The following NRXN2 variants were observed in gnomAD, a reference collection of about 807,000 sequenced individuals.
NRXN2 encodes the protein neurexin-2-beta.
NRXN2 carries 29 observed loss-of-function variants against 128.8 expected under a neutral mutation model. The ratio of observed to expected loss-of-function variants is 0.23; its 90% CI spans 0.17 to 0.31. The LOEUF (loss-of-function observed/expected upper bound fraction) is 0.31, where lower values mean the gene tolerates loss of function less well. Among genes scored for constraint, NRXN2 ranks in the 10% least tolerant of loss-of-function variants. The probability of loss-of-function intolerance (pLI) is 1.00; values close to 1 mark genes in which losing one functional copy is unlikely to be tolerated. For synonymous variants in NRXN2, 1,098 were observed against 1,075.2 expected (o/e 1.02, Z -0.41); for missense variants, 1,881 against 2,452.6 (o/e 0.77, Z 4.92).
intron 17 of NRXN2, chr11:64,642,693 C>A (rs1178311630): frequency 1.3e-6 from 2 of 1,535,410 alleles, no homozygotes; most frequent in East Asian, 2.6e-5. Context: ...GCAACAGCGG[C>A]AACAGCGGCA....
intron 22 of NRXN2, among the ~76,000 whole-genome samples, chr11:64,614,938 G>T (rs1296471938): frequency 1.3e-5 from 2 of 152,242 alleles, no homozygotes; most frequent in Non-Finnish European, 2.9e-5. Context: ...CTTGGGGAGG[G>T]GTGGGTGTGT....
At chr11:64,717,806 A>C (rs1160787841) in intron 1 of NRXN2, among the ~76,000 whole-genome samples, 2 of 152,176 alleles carry the variant, frequency 1.3e-5, no homozygotes, top group African/African-American at 2.4e-5. Context: ...AGAACGATGA[A>C]TTCACTTGCC....
chr11:64,626,202 A>G (rs1402967585), intron 20 of NRXN2, among the ~76,000 whole-genome samples: 1 of 152,054 alleles, frequency 6.6e-6, no homozygotes, highest in African/African-American at 2.4e-5. Flanking sequence ...GGATTACCCT[A>G]GTTGATCCCA....
chr11:64,689,280 G>A (rs2053512810), intron 5 of NRXN2, among the ~76,000 whole-genome samples: 1 of 151,566 alleles, frequency 6.6e-6, no homozygotes, highest in South Asian at 2.1e-4. Flanking sequence ...CATGTTGCCA[G>A]GCTGGTTTTG....
At chr11:64,712,529 A>C (rs2057029885) in intron 2 of NRXN2, among the ~76,000 whole-genome samples, 1 of 140,972 alleles carries the variant, frequency 7.1e-6, no homozygotes, top group Non-Finnish European at 1.5e-5. Flanking sequence ...GCCCCGCCCT[A>C]TGCACAAGCC....
chr11:64,607,856 C>G lies in NRXN2; in HGVS notation c.4479G>C (p.Ser1493=). 6.3e-7 allele frequency: 1 copy of G among 1,595,614 alleles called. No individual in the cohort carries two copies. Among genetic ancestry groups the G allele is most frequent in the Non-Finnish European group, 8.5e-7 (1 of 1,171,780 alleles). The change falls in exon 23 of 23, where the codon TCG becomes TCC. Residue 1493 remains serine, a synonymous_variant. Transcript: ENST00000265459. The stretch of plus-strand genomic sequence containing the variant: ...CAAAGACCTCCCCGGAGGCGAAGCC[C>G]GAGGCCTCGATGGGCTCCTCGCAGT... The part of the protein sequence containing the change: ...DSDCEEPIEA[S]GFASGEVFDS...
chr11:64,673,992 C>G (rs1188081334), intron 7 of NRXN2, among the ~76,000 whole-genome samples: 1 of 148,562 alleles, frequency 6.7e-6, no homozygotes, highest in Non-Finnish European at 1.5e-5. Flanking sequence ...GAGCCGAGAT[C>G]GCGCCACTTC....
rs1210265753 is a variant in NRXN2, at chr11:64,685,706, G to A, written c.1092C>T (p.Val364=). The change falls in exon 6 of 23, where the codon GTC becomes GTT. Residue 364 remains valine (V), a synonymous_variant. Transcript: ENST00000265459. Reference sequence around the variant, plus strand: ...AGGCGTTGTCGTTGAACTTGCCATTGACGGGTTCCACAAGGGCCTCGAAGG... The same window carrying A: ...AGGCGTTGTCGTTGAACTTGCCATTAACGGGTTCCACAAGGGCCTCGAAGG... ...SGAFEALVEP[V]NGKFNDNAWH... is the part of the protein sequence containing the mutation. 1.2e-6 allele frequency: 2 copies of A among 1,614,116 alleles called. No homozygotes were observed. Among genetic ancestry groups the A allele is most frequent in the South Asian group, 1.1e-5 (1 of 91,086 alleles).
At position 64,631,434 on chromosome 11, in the gene NRXN2, C is replaced by T. The variant is rs1445316401; in HGVS notation, c.3586-861G>A. Among the ~76,000 whole-genome samples, 2 of 152,034 alleles carry T rather than the reference C, an allele frequency of 1.3e-5. No individual in the cohort carries two copies. The highest frequency in any genetic ancestry group is 2.9e-5 in the Non-Finnish European group (2 of 67,996). ...CTCTGCAGAGGCAACCCAGGATCAG[C>T]CCAGGAAGAGTTCTGCTTGTGGTGC... On this transcript the variant is annotated intron_variant, in intron 18 of 22. Coordinates refer to ENST00000265459, the MANE Select transcript of NRXN2 (RefSeq NM_015080.4). This position sits in a 1 kb window ranked among gnomAD's most constrained non-coding sequence, Gnocchi z 4.8.
chr11:64,712,682 C>T (rs2057051341), intron 2 of NRXN2: 1 of 601,350 alleles, frequency 1.7e-6, no homozygotes, highest in African/African-American at 1.9e-5. Context: ...TGCACCCCAC[C>T]CTCAGCAGCC....
Position 64,713,415 on chromosome 11 carries a change from G to A in NRXN2, c.285C>T (p.Cys95=), listed in dbSNP as rs1445711145. Residue 95 remains cysteine, a synonymous_variant, in exon 2 of 23, where the codon TGC becomes TGT. Transcript: ENST00000265459. ...GRLRLRFTLS[C]AEPATLQLDT... Reference sequence around the variant, plus strand: ...CCAGCTGCAGCGTGGCCGGCTCGGCGCACGAAAGCGTGAAGCGCAGCCGCA... The same window carrying A: ...CCAGCTGCAGCGTGGCCGGCTCGGCACACGAAAGCGTGAAGCGCAGCCGCA... 6.7e-7 allele frequency: 1 copy of A among 1,496,554 alleles called. No individual in the cohort carries two copies. The highest frequency in any genetic ancestry group is 2.1e-5 in the Admixed American group (1 of 46,944). The allele number at this position is 1,496,554 out of a possible 1,614,324, so 92.7% of individuals were successfully genotyped here.
In NRXN2 at chr11:64,630,698, C is replaced by T. The variant is rs1473429765; in HGVS notation, c.3586-125G>A. 7.1e-6 allele frequency: 8 copies of T among 1,130,066 alleles called. No individual in the cohort carries two copies. The highest frequency in any genetic ancestry group is 1.5e-5 in the African/African-American group (1 of 65,182). 70.0% of individuals were successfully genotyped at this position (1,130,066 alleles called of 1,614,324 possible). A position where few individuals can be genotyped will look rare whatever the true frequency, so the allele number is the denominator to read the frequency against. ...TTAAGGCACCTTTCCCAGGTCTCAACCGCTGGAGGAGGTGGGCAGGCTCGC... is the reference window on the plus strand; with the variant it reads ...TTAAGGCACCTTTCCCAGGTCTCAATCGCTGGAGGAGGTGGGCAGGCTCGC... On this transcript the variant is annotated intron_variant, in intron 18 of 22. Transcript: ENST00000265459. The surrounding 1 kb of genome is among the most constrained non-coding windows in gnomAD (Gnocchi z 4.6).
At chr11:64,688,361 T>G (rs2053357863) in intron 5 of NRXN2, 1 of 985,006 alleles carries the variant, frequency 1.0e-6, no homozygotes, top group African/African-American at 1.8e-5. Flanking sequence ...CCTGAAAGCC[T>G]TCGAGAAGAG....
At chr11:64,643,573 G>A (rs1454048230) in intron 17 of NRXN2, 1 of 140,202 alleles carries the variant, frequency 7.1e-6, no homozygotes, top group East Asian at 2.2e-4. Flanking sequence ...GAGAGGGAGA[G>A]AGGGAGAGAG....
chr11:64,692,922 G>A (rs577591941), intron 3 of NRXN2, 46 bp from the exon 4 acceptor site: 3 of 1,503,018 alleles, frequency 2.0e-6, no homozygotes, highest in African/African-American at 2.8e-5. Flanking sequence ...AAAAGAAGAA[G>A]AAAAAAGAAA....
chr11:64,696,829 A>G (rs1017125422), intron 3 of NRXN2, among the ~76,000 whole-genome samples: 2 of 152,046 alleles, frequency 1.3e-5, no homozygotes, highest in African/African-American at 4.8e-5. Flanking sequence ...TGCCTTCTTC[A>G]TGGTAGCTAT....
At chr11:64,653,854 C>A in intron 11 of NRXN2, 132 bp from the exon 12 acceptor site, 1 of 665,010 alleles carries the variant, frequency 1.5e-6, no homozygotes, top group Non-Finnish European at 2.6e-6. Context: ...TTCCGGGGAC[C>A]ACGCGTGCCC....
At chr11:64,656,869 T>C (rs1045302770) in intron 11 of NRXN2, among the ~76,000 whole-genome samples, 4 of 152,148 alleles carry the variant, frequency 2.6e-5, no homozygotes, top group African/African-American at 9.7e-5. Context: ...GCACGATAAG[T>C]TCCTTAGGAT....
At position 64,651,522 on chromosome 11, in the gene NRXN2, C is replaced by T; in HGVS notation, c.2651G>A (p.Gly884Glu). The T allele has an allele frequency of 1.2e-6, 2 of 1,614,168 alleles. No homozygotes were observed. Among genetic ancestry groups the T allele is most frequent in the South Asian group, 1.1e-5 (1 of 91,080 alleles). ...VPSNFIGHLS[G>E]LVFNGQPYMD... Reference sequence around the variant, plus strand: ...GTAGGGCTGGCCATTGAACACGAGCCCACTCAGATGCCCGATGAAGTTGGA... The same window carrying T: ...GTAGGGCTGGCCATTGAACACGAGCTCACTCAGATGCCCGATGAAGTTGGA... The change falls in exon 14 of 23, where the codon GGG becomes GAG. Residue 884 changes from glycine (G) to glutamate (E), a missense_variant. By Grantham distance (98) the Gly-to-Glu change is moderately conservative. Around this residue, in one of 7 missense-constraint regions of NRXN2, gnomAD observed 390 missense variants for 599.6 expected, o/e 0.65. Transcript: ENST00000265459. The surrounding 1 kb of genome is among the most constrained non-coding windows in gnomAD (Gnocchi z 5.9).
Sources: gnomAD v4.1 joint callset for allele counts (sites outside exome capture counted in the v4.1 genomes callset) on GRCh38, gnomAD v4.1.1 for gene constraint, gnomAD v4.1.1 regional missense constraint, Gnocchi (gnomAD v3.1) non-coding constraint, MANE v1.5 for transcripts, NCBI Gene and HGNC (gene_info 2026-07-23, HGNC 2026-07-21) for gene names.